The following SLCO1B1 variants were observed in gnomAD, a reference collection of about 807,000 sequenced individuals.
SLCO1B1 encodes OATP-2.
Under a neutral mutation model 70.1 loss-of-function variants are expected in SLCO1B1, and 81 were observed. The ratio of observed to expected loss-of-function variants is 1.16; its 90% CI spans 0.97 to 1.39. The LOEUF (loss-of-function observed/expected upper bound fraction) is 1.39, where lower values mean the gene tolerates loss of function less well. SLCO1B1 is among the 40% of genes most tolerant of loss of function. SLCO1B1 has a pLI of 0.00. For missense variants in SLCO1B1, 895 were observed against 799.6 expected, an observed-to-expected ratio of 1.12 and a Z score of -1.44; for synonymous variants, 283 against 271.5, an observed-to-expected ratio of 1.04 and a Z score of -0.42.
chr12:21,230,382 G>T (rs1373606992), intron 14 of SLCO1B1, among the ~76,000 whole-genome samples: 3 of 145,106 alleles, frequency 2.1e-5, no homozygotes, highest in Non-Finnish European at 4.5e-5. Flanking sequence ...CCAGGCTGGA[G>T]GGCAATGGTG....
chr12:21,174,719 A>T lies in SLCO1B1; in HGVS notation c.359+10A>T. On this transcript the variant is annotated intron_variant, in intron 4 of 14. Coordinates refer to ENST00000256958, the MANE Select transcript of SLCO1B1 (RefSeq NM_006446.5). ...ATTTCTTCATGGGATAGTAAGTGTT[A>T]AAAAAAAAAAAAACCTCTGTGCCAC... The T allele has an allele frequency of 2.5e-6, 2 of 803,720 alleles. No homozygotes were observed. Among genetic ancestry groups the T allele is most frequent in the Non-Finnish European group, 1.7e-6 (1 of 572,602 alleles). 49.8% of individuals were successfully genotyped at this position (803,720 alleles called of 1,614,324 possible).
intron 1 of SLCO1B1, among the ~76,000 whole-genome samples, chr12:21,137,222 G>A (rs1040369176): frequency 3.3e-5 from 5 of 152,142 alleles, no homozygotes; most frequent in Non-Finnish European, 7.4e-5. Context: ...CCGACCGTGT[G>A]AGGTGTCAGT....
chr12:21,220,982 A>G (rs938562414), intron 12 of SLCO1B1, among the ~76,000 whole-genome samples: 1 of 152,192 alleles, frequency 6.6e-6, no homozygotes, highest in Non-Finnish European at 1.5e-5. Flanking sequence ...TTCAACATAT[A>G]TAAATCAATA....
In SLCO1B1 at chr12:21,183,161, T is replaced by C. The variant is rs1402212937; in HGVS notation, c.727+4141T>C. On this transcript the variant is annotated intron_variant, in intron 7 of 14. Coordinates refer to ENST00000256958, the MANE Select transcript of SLCO1B1 (RefSeq NM_006446.5). ...CAGCTTATCTGCCAGCCATTACTCT[T>C]AAGCACCATTTACTGGATCACAGCT... Among the ~76,000 whole-genome samples the C allele has an allele frequency of 2.0e-5, 3 of 152,198 alleles. No homozygotes were observed. The East Asian group carries it at 5.8e-4, about 29-fold the overall frequency.
At chr12:21,223,191 A>G (rs1941447161) in intron 13 of SLCO1B1, among the ~76,000 whole-genome samples, 1 of 152,184 alleles carries the variant, frequency 6.6e-6, no homozygotes, top group East Asian at 1.9e-4. Flanking sequence ...GAAAATAGGA[A>G]AAAAAATGAG....
intron 10 of SLCO1B1, 67 bp downstream of exon 10, chr12:21,202,753 T>C: frequency 7.8e-7 from 1 of 1,280,312 alleles, no homozygotes; most frequent in South Asian, 1.3e-5. Flanking sequence ...TCTGTATAAG[T>C]AATATAAGGC....
intron 2 of SLCO1B1, among the ~76,000 whole-genome samples, chr12:21,142,484 A>G (rs983205564): frequency 3.3e-5 from 5 of 152,058 alleles, no homozygotes; most frequent in Admixed American, 2.0e-4. Flanking sequence ...CCTTTTATCA[A>G]TGTTTTAACT....
intron 11 of SLCO1B1, among the ~76,000 whole-genome samples, chr12:21,208,844 T>C (rs1941244471): frequency 6.6e-6 from 1 of 152,038 alleles, no homozygotes; most frequent in Admixed American, 6.6e-5. Flanking sequence ...TTTCACTTCC[T>C]TGGTTTAAAT....
Position 21,200,543 on chromosome 12 carries a change from C to G in SLCO1B1, c.1006C>G (p.Pro336Ala). The G allele has an allele frequency of 1.3e-6, 2 of 1,595,130 alleles. No homozygotes were observed. Among genetic ancestry groups the G allele is most frequent in the Non-Finnish European group, 1.7e-6 (2 of 1,169,260 alleles). ...FQSFKSILTN[P>A]LYVMFVLLTL... ...GTCTTTTAAAAGCATCCTTACTAAT[C>G]CCCTGTATGTTATGTTTGTGCTTTT... The change falls in exon 9 of 15, where the codon CCC (proline) becomes GCC (alanine). Residue 336 changes from proline to alanine, a missense_variant. Transcript: ENST00000256958.
rs192111122 is a variant in SLCO1B1, at chr12:21,199,674, C to A, written c.971-834C>A. Among the ~76,000 whole-genome samples the A allele has an allele frequency of 4.0e-4, 61 of 152,086 alleles. 1 individual carries two copies. Among genetic ancestry groups the A allele is most frequent in the Middle Eastern group, 3.4e-3 (1 of 292 alleles). On this transcript the variant is annotated intron_variant, in intron 8 of 14. Transcript: ENST00000256958. The stretch of plus-strand genomic sequence containing the variant: ...TTCTGTGAGTTTTGAATTATGCTGT[C>A]TTTACATTTCCATTTAATAGTTATA...
At chr12:21,158,057 CA>C (rs1176822173) in intron 2 of SLCO1B1, among the ~76,000 whole-genome samples, 1 of 152,076 alleles carries the variant, frequency 6.6e-6, no homozygotes, top group African/African-American at 2.4e-5. Flanking sequence ...CCTTTGTCAT[CA>C]AATTGATGTG....
At chr12:21,199,102 T>G (rs74066310) in intron 8 of SLCO1B1, among the ~76,000 whole-genome samples, 1,534 of 152,000 alleles carry the variant, frequency 0.01, 36 homozygotes, top group South Asian at 0.039. Flanking sequence ...TCTTTTCTGT[T>G]TCTTTTCTCT....
chr12:21,191,295 CTTCT>C (rs1173632866), intron 7 of SLCO1B1, among the ~76,000 whole-genome samples: 1 of 151,974 alleles, frequency 6.6e-6, no homozygotes, highest in African/African-American at 2.4e-5. Flanking sequence ...TTATTTATGG[CTTCT>C]TTATTTCCTC....
chr12:21,152,532 G>GTTTTTTTTTTTTTTTT (rs1321105425), intron 2 of SLCO1B1, among the ~76,000 whole-genome samples: 23 of 7,900 alleles, frequency 2.9e-3, no homozygotes, highest in South Asian at 0.025. Context: ...GAGAGGAGAG[G>GTTTTTTTTTTTTTTTT]CTTTTTTTTT....
chr12:21,206,110 T>C (rs1941212605), intron 11 of SLCO1B1, 77 bp downstream of exon 11: 10 of 1,193,110 alleles, frequency 8.4e-6, no homozygotes, highest in South Asian at 2.5e-5. Flanking sequence ...CAAATATTTC[T>C]GTAACTAAGG....
intron 1 of SLCO1B1, 142 bp downstream of exon 1, chr12:21,131,378 CAT>C (rs1940131110): frequency 6.6e-6 from 1 of 150,432 alleles, no homozygotes; most frequent in Admixed American, 6.6e-5. Flanking sequence ...GCCCTTAAAA[CAT>C]AGTAAATATT....
intron 1 of SLCO1B1, among the ~76,000 whole-genome samples, chr12:21,136,160 C>G (rs1445141943): frequency 9.9e-5 from 15 of 152,148 alleles, no homozygotes; most frequent in Admixed American, 9.8e-4. Flanking sequence ...ATATTGGTCC[C>G]CACTCTCTTC....
intron 14 of SLCO1B1, among the ~76,000 whole-genome samples, chr12:21,229,175 C>T (rs980237779): frequency 1.3e-5 from 2 of 152,090 alleles, no homozygotes; most frequent in Non-Finnish European, 2.9e-5. Context: ...ATAGCCTATC[C>T]TACCATCAAT....
intron 14 of SLCO1B1, among the ~76,000 whole-genome samples, chr12:21,233,944 G>A (rs1041139287): frequency 2.6e-5 from 4 of 152,164 alleles, no homozygotes; most frequent in African/African-American, 9.7e-5. Context: ...ACCACCTAAC[G>A]GGTTCACCTT....
Sources: allele counts gnomAD v4.1 joint callset (sites outside exome capture counted in the v4.1 genomes callset), GRCh38; gene constraint gnomAD v4.1.1; transcripts MANE v1.5; gene names NCBI Gene and HGNC (gene_info 2026-07-23, HGNC 2026-07-21).